RASEF: variants seen among roughly 807,000 people sequenced by gnomAD.
RASEF encodes RAS and EF-hand domain containing.
Under a neutral mutation model 90.1 loss-of-function variants are expected in RASEF, and 68 were observed. The observed-to-expected ratio is 0.75, with a 90% CI of 0.62 to 0.92. The LOEUF (loss-of-function observed/expected upper bound fraction) is 0.92, where lower values mean the gene tolerates loss of function less well. RASEF is among the 40% of genes least tolerant of loss of function. The probability of loss-of-function intolerance (pLI) is 0.00; values close to 1 mark genes in which losing one functional copy is unlikely to be tolerated. For missense variants in RASEF, 949 were observed against 937.2 expected (o/e 1.01, Z -0.16); for synonymous variants, 331 against 345.2 (o/e 0.96, Z 0.46).
At chr9:83,009,970 T>C (rs947333702) in intron 5 of RASEF, among the ~76,000 whole-genome samples, 2 of 152,208 alleles carry the variant, frequency 1.3e-5, no homozygotes, top group Admixed American at 1.3e-4. Flanking sequence ...AAGTCATTCT[T>C]CATTTTTTTA....
the RASEF span, among the ~76,000 whole-genome samples, chr9:83,159,203 A>G: frequency 7.1e-6 from 1 of 141,654 alleles, no homozygotes; most frequent in African/African-American, 2.6e-5. Flanking sequence ...AAAAAAAAAA[A>G]GAAATTTATA....
chr9:83,041,947 A>G (rs1220210256), intron 1 of RASEF, among the ~76,000 whole-genome samples: 1 of 152,196 alleles, frequency 6.6e-6, no homozygotes, highest in African/African-American at 2.4e-5. Flanking sequence ...AACCCCCAAG[A>G]AAAGTCAAGA....
chr9:83,110,263 T>C, the RASEF span, among the ~76,000 whole-genome samples: 1 of 152,310 alleles, frequency 6.6e-6, no homozygotes, highest in East Asian at 1.9e-4. Context: ...CTGTCGTCCC[T>C]AAACCACAGG....
Position 83,062,854 on chromosome 9 carries a change from C to A in RASEF, c.14G>T (p.Gly5Val), listed in dbSNP as rs1377169887. ...CAGCCGGGCCAGCTCCTCTCCGTCC[C>A]CATCCGCCTCCATCCCGCCTGGCGG... MEADGDGEELARLRS... is the reference protein window; with the variant it reads MEADVDGEELARLRS... The change falls in exon 1 of 17, where the codon GGG (glycine) becomes GTG (valine). Residue 5 changes from glycine to valine, a missense_variant. By Grantham distance (109) the Gly-to-Val change is moderately radical (BLOSUM62 -3). Coordinates refer to ENST00000376447, the MANE Select transcript of RASEF (RefSeq NM_152573.4). 1 of 1,514,780 alleles carries A rather than the reference C, an allele frequency of 6.6e-7. No individual in the cohort carries two copies. The highest frequency in any genetic ancestry group is 8.8e-7 in the Non-Finnish European group (1 of 1,142,078). The allele number at this position is 1,514,780 out of a possible 1,614,324, so 93.8% of individuals were successfully genotyped here. A position where few individuals can be genotyped will look rare whatever the true frequency, so the allele number is the denominator to read the frequency against.
chr9:83,111,281 G>A, the RASEF span, among the ~76,000 whole-genome samples: 1 of 152,156 alleles, frequency 6.6e-6, no homozygotes, highest in Admixed American at 6.6e-5. Flanking sequence ...TTCAGATGCT[G>A]ACAAGACATC....
At chr9:83,195,715 C>G in the RASEF span, among the ~76,000 whole-genome samples, 1 of 151,914 alleles carries the variant, frequency 6.6e-6, no homozygotes, top group Non-Finnish European at 1.5e-5. Context: ...AGAGGCAGGG[C>G]AGGTTGGCTC....
chr9:83,057,268 T>C (rs953721741), intron 1 of RASEF, among the ~76,000 whole-genome samples: 1 of 152,196 alleles, frequency 6.6e-6, no homozygotes, highest in African/African-American at 2.4e-5. Flanking sequence ...GCTGACAATA[T>C]AATCTTATAT....
chr9:83,197,521 G>A, the RASEF span, among the ~76,000 whole-genome samples: 1 of 144,600 alleles, frequency 6.9e-6, no homozygotes, highest in Non-Finnish European at 1.5e-5. Flanking sequence ...AAAAGATGAT[G>A]ATTTTTTAAA....
the RASEF span, among the ~76,000 whole-genome samples, chr9:83,069,899 T>G: frequency 6.6e-6 from 1 of 152,330 alleles, no homozygotes; most frequent in East Asian, 1.9e-4. Flanking sequence ...ATTTCTCTGT[T>G]GACTAATGAT....
chr9:83,026,002 C>A, intron 1 of RASEF, 81 bp from the exon 2 acceptor site: 1 of 1,027,956 alleles, frequency 9.7e-7, no homozygotes, highest in Non-Finnish European at 1.4e-6. Context: ...GAAAGAGAAA[C>A]ATAAATGAAG....
the RASEF span, among the ~76,000 whole-genome samples, chr9:83,099,220 C>A: frequency 6.6e-6 from 1 of 152,156 alleles, no homozygotes; most frequent in South Asian, 2.1e-4. Flanking sequence ...ATGCTCTCTA[C>A]ATAAGTGACT....
At chr9:83,089,951 GATAT>G in the RASEF span, among the ~76,000 whole-genome samples, 5 of 149,994 alleles carry the variant, frequency 3.3e-5, no homozygotes, top group African/African-American at 9.8e-5. Flanking sequence ...GATAGATATA[GATAT>G]ATAGATATAG....
At chr9:83,171,594 G>A in the RASEF span, among the ~76,000 whole-genome samples, 1 of 151,664 alleles carries the variant, frequency 6.6e-6, no homozygotes, top group African/African-American at 2.4e-5. Context: ...TTTTATTACT[G>A]TTTCTTTTTA....
intron 16 of RASEF, among the ~76,000 whole-genome samples, chr9:82,987,284 C>A (rs1483784912): frequency 6.6e-6 from 1 of 152,148 alleles, no homozygotes; most frequent in East Asian, 1.9e-4. Context: ...ATATTTAACA[C>A]ATCACTAACA....
At chr9:83,159,185 CAAAAAAAA>C in the RASEF span, among the ~76,000 whole-genome samples, 384 of 103,308 alleles carry the variant, frequency 3.7e-3, 3 homozygotes, top group African/African-American at 0.013. Context: ...GACTCCGTCT[CAAAAAAAA>C]AAAAAAAAAA....
At chr9:83,216,241 A>C in the RASEF span, among the ~76,000 whole-genome samples, 1 of 152,220 alleles carries the variant, frequency 6.6e-6, no homozygotes, top group South Asian at 2.1e-4. Flanking sequence ...TTAATCACCA[A>C]GACAATGGGG....
the RASEF span, among the ~76,000 whole-genome samples, chr9:83,099,133 T>C: frequency 6.6e-6 from 1 of 152,206 alleles, no homozygotes; most frequent in African/African-American, 2.4e-5. Context: ...TATCCATATA[T>C]CTATGATGTC....
At chr9:83,211,049 A>T in the RASEF span, among the ~76,000 whole-genome samples, 1 of 152,254 alleles carries the variant, frequency 6.6e-6, no homozygotes, top group South Asian at 2.1e-4. Flanking sequence ...CATTATGACC[A>T]TCTTATCCTC....
At chr9:83,007,572 C>T in intron 6 of RASEF, 67 bp from the exon 7 acceptor site, 3 of 1,085,690 alleles carry the variant, frequency 2.8e-6, no homozygotes, top group Non-Finnish European at 4.3e-6. Flanking sequence ...TATACCTACC[C>T]TCCCAGACCC....
Sources: gnomAD v4.1 joint callset for allele counts (sites outside exome capture counted in the v4.1 genomes callset) on GRCh38, gnomAD v4.1.1 for gene constraint, MANE v1.5 for transcripts, NCBI Gene and HGNC (gene_info 2026-07-23, HGNC 2026-07-21) for gene names.